The following SLC24A2 variants were observed in gnomAD, a reference collection of about 807,000 sequenced individuals.
SLC24A2 encodes the protein sodium/potassium/calcium exchanger 2.
A neutral mutation model predicts 62.0 loss-of-function variants in SLC24A2; 36 were observed. The observed-to-expected ratio is 0.58, with a 90% CI of 0.44 to 0.77. The LOEUF (loss-of-function observed/expected upper bound fraction) is 0.77, where lower values mean the gene tolerates loss of function less well. Among genes scored for constraint, SLC24A2 ranks in the 30% least tolerant of loss-of-function variants. The probability of loss-of-function intolerance (pLI) is 0.00; values close to 1 mark genes in which losing one functional copy is unlikely to be tolerated. For synonymous variants in SLC24A2, 358 were observed against 294.0 expected (o/e 1.22, Z -2.23); for missense variants, 846 against 817.9 (o/e 1.03, Z -0.42).
the SLC24A2 span, among the ~76,000 whole-genome samples, chr9:20,051,005 T>C: frequency 6.6e-6 from 1 of 151,936 alleles, no homozygotes; most frequent in African/African-American, 2.4e-5. Context: ...CATTAGAAGG[T>C]ACATAGTGAG....
chr9:20,226,421 G>C, the SLC24A2 span, among the ~76,000 whole-genome samples: 1 of 152,204 alleles, frequency 6.6e-6, no homozygotes, highest in South Asian at 2.1e-4. Flanking sequence ...CATACATATG[G>C]CATCTGGGAA....
chr9:19,832,181 A>G, the SLC24A2 span, among the ~76,000 whole-genome samples: 2 of 152,216 alleles, frequency 1.3e-5, no homozygotes, highest in Non-Finnish European at 2.9e-5. Flanking sequence ...AAGAAATCCC[A>G]GATTTTGGTC....
chr9:20,103,669 A>G, the SLC24A2 span, among the ~76,000 whole-genome samples: 1 of 152,234 alleles, frequency 6.6e-6, no homozygotes, highest in Non-Finnish European at 1.5e-5. Context: ...TAACAAACAG[A>G]AAGGACATCC....
At chr9:19,543,429 C>A (rs1834383840) in intron 8 of SLC24A2, among the ~76,000 whole-genome samples, 1 of 148,134 alleles carries the variant, frequency 6.8e-6, no homozygotes, top group Admixed American at 6.7e-5. Flanking sequence ...GTCTCTATCT[C>A]CTTCAGTTCT....
At chr9:20,267,009 G>A in the SLC24A2 span, among the ~76,000 whole-genome samples, 1 of 149,738 alleles carries the variant, frequency 6.7e-6, no homozygotes. Flanking sequence ...TTGAGCCCAG[G>A]TGTTTGAGGC....
At chr9:20,182,104 C>T in the SLC24A2 span, among the ~76,000 whole-genome samples, 3 of 152,164 alleles carry the variant, frequency 2.0e-5, no homozygotes, top group Admixed American at 2.0e-4. Flanking sequence ...GTCAGAATGG[C>T]AATCATTAAA....
At chr9:19,596,014 C>T (rs1033533479) in intron 5 of SLC24A2, among the ~76,000 whole-genome samples, 1 of 152,144 alleles carries the variant, frequency 6.6e-6, no homozygotes, top group African/African-American at 2.4e-5. Flanking sequence ...TGGTAGGGCC[C>T]AGTGTGAGAT....
the SLC24A2 span, among the ~76,000 whole-genome samples, chr9:19,901,144 G>A: frequency 4.6e-5 from 7 of 152,194 alleles, no homozygotes; most frequent in Non-Finnish European, 8.8e-5. Flanking sequence ...GTGAACTGGT[G>A]TGAATGATAC....
the SLC24A2 span, among the ~76,000 whole-genome samples, chr9:20,161,763 C>T: frequency 1.3e-5 from 2 of 148,578 alleles, no homozygotes. Context: ...AAGATACACA[C>T]ACACACACAC....
Position 19,555,349 on chromosome 9 carries a change from A to G in SLC24A2, c.1348-5081T>C, listed in dbSNP as rs183898316. 4.2e-3 allele frequency among the ~76,000 whole-genome samples: 636 copies of G among 152,322 alleles called. 4 individuals carry two copies. The highest frequency in any genetic ancestry group is 7.1e-3 in the Non-Finnish European group (485 of 68,028). ...GAAACTGAAAAATCTTAGAAATACT[A>G]TGAGTCATGTAATCGATAAGATTCT... On this transcript the variant is annotated intron_variant, in intron 7 of 10. Transcript: ENST00000341998.
chr9:20,171,785 T>C, the SLC24A2 span, among the ~76,000 whole-genome samples: 1 of 152,042 alleles, frequency 6.6e-6, no homozygotes, highest in African/African-American at 2.4e-5. Context: ...AATGCTCCAC[T>C]GACAGCACTA....
chr9:19,533,640 T>C (rs1036847260), intron 8 of SLC24A2, among the ~76,000 whole-genome samples: 7 of 152,326 alleles, frequency 4.6e-5, no homozygotes, highest in South Asian at 2.1e-4. Context: ...CCAGCTTCAA[T>C]AGCCCTGTAC....
the SLC24A2 span, among the ~76,000 whole-genome samples, chr9:19,818,778 C>A: frequency 6.6e-6 from 1 of 152,084 alleles, no homozygotes. Context: ...CTGCCAAAAA[C>A]AATCTACAAA....
At chr9:19,522,316 C>T (rs1833241887) in intron 9 of SLC24A2, among the ~76,000 whole-genome samples, 1 of 152,146 alleles carries the variant, frequency 6.6e-6, no homozygotes, top group Non-Finnish European at 1.5e-5. Flanking sequence ...CTTTTAAAAC[C>T]TATTCATGTT....
chr9:19,705,474 G>C (rs1820485576), intron 2 of SLC24A2: 2 of 204,866 alleles, frequency 9.8e-6, no homozygotes, highest in Admixed American at 4.8e-5. Context: ...TCCAGTGCAT[G>C]TACCAACATT....
At chr9:19,929,240 T>G in the SLC24A2 span, 1 of 152,266 alleles carries the variant, frequency 6.6e-6, no homozygotes, top group Middle Eastern at 3.4e-3. Flanking sequence ...TTTCACTCCT[T>G]TTACCCTGGA....
At chr9:20,288,412 C>G in the SLC24A2 span, among the ~76,000 whole-genome samples, 15 of 149,326 alleles carry the variant, frequency 1.0e-4, no homozygotes, top group Non-Finnish European at 1.5e-5. Flanking sequence ...GAGTGCATGC[C>G]GGGGGTGCGG....
At chr9:19,697,028 A>G (rs894853931) in intron 2 of SLC24A2, among the ~76,000 whole-genome samples, 5 of 152,178 alleles carry the variant, frequency 3.3e-5, no homozygotes, top group African/African-American at 1.2e-4. Context: ...GCATTGGGGT[A>G]AATTTTTAAT....
intron 7 of SLC24A2, 57 bp from the exon 8 acceptor site, chr9:19,550,325 A>C (rs1012363243): frequency 6.4e-7 from 1 of 1,566,474 alleles, no homozygotes; most frequent in Non-Finnish European, 8.8e-7. Flanking sequence ...GTACACAGGC[A>C]CAACAACAGG....
Sources: allele counts gnomAD v4.1 joint callset (sites outside exome capture counted in the v4.1 genomes callset), GRCh38; gene constraint gnomAD v4.1.1; transcripts MANE v1.5; gene names NCBI Gene and HGNC (gene_info 2026-07-23, HGNC 2026-07-21).